Variants in COL26A1 observed in about 807,000 individuals in gnomAD.
COL26A1 encodes the protein collagen type XXVI alpha 1 chain.
In COL26A1, 41 loss-of-function variants were observed where a neutral mutation model predicts 59.3. That is an observed-to-expected ratio of 0.69 (90% CI 0.54 to 0.90). COL26A1 has a LOEUF of 0.90. Ranked by LOEUF, COL26A1 falls within the 40% of genes least tolerant of loss-of-function variation. The pLI, the probability that COL26A1 is intolerant of heterozygous loss-of-function variation, is 0.00. For synonymous variants in COL26A1, 266 were observed against 256.0 expected, an observed-to-expected ratio of 1.04 and a Z score of -0.37; for missense variants, 612 against 602.3, an observed-to-expected ratio of 1.02 and a Z score of -0.17.
chr7:101,440,086 C>T (rs985180450), intron 2 of COL26A1, among the ~76,000 whole-genome samples: 1 of 152,180 alleles, frequency 6.6e-6, no homozygotes, highest in Non-Finnish European at 1.5e-5. Flanking sequence ...TTTGCCTAGG[C>T]CAGGGGCAGT....
intron 3 of COL26A1, among the ~76,000 whole-genome samples, chr7:101,501,280 G>C (rs1794702384): frequency 6.6e-6 from 1 of 151,624 alleles, no homozygotes; most frequent in African/African-American, 2.4e-5. Flanking sequence ...TGGAATCAGG[G>C]AGTAAGTGGG....
intron 1 of COL26A1, among the ~76,000 whole-genome samples, chr7:101,364,572 C>CTTTT (rs10596691): frequency 6.8e-6 from 1 of 146,224 alleles, no homozygotes; most frequent in African/African-American, 2.5e-5. Context: ...TGCTTTCTTT[C>CTTTT]TTTTTTTTTT....
intron 3 of COL26A1, among the ~76,000 whole-genome samples, chr7:101,452,729 A>G (rs899415623): frequency 7.2e-5 from 11 of 152,136 alleles, no homozygotes; most frequent in Admixed American, 2.6e-4. Context: ...ATATCTACAC[A>G]TAGAAAAGGT....
intron 1 of COL26A1, among the ~76,000 whole-genome samples, chr7:101,405,339 A>AT (rs536145936): frequency 0.032 from 4,704 of 145,522 alleles, 213 homozygotes; most frequent in African/African-American, 0.11. Flanking sequence ...TGGTATCTAC[A>AT]TTTTTTTTTT....
chr7:101,399,846 T>C (rs192590187), intron 1 of COL26A1, among the ~76,000 whole-genome samples: 135 of 152,328 alleles, frequency 8.9e-4, no homozygotes, highest in African/African-American at 3.2e-3. Context: ...TAAAGTTGTT[T>C]CTTCCAATAC....
intron 3 of COL26A1, among the ~76,000 whole-genome samples, chr7:101,497,713 G>A (rs907839813): frequency 6.6e-6 from 1 of 152,080 alleles, no homozygotes; most frequent in African/African-American, 2.4e-5. Flanking sequence ...AGGCGCAGTG[G>A]CTCACATCTG....
chr7:101,471,351 T>A (rs1240118263), intron 3 of COL26A1, among the ~76,000 whole-genome samples: 1 of 152,100 alleles, frequency 6.6e-6, no homozygotes, highest in Admixed American at 6.6e-5. Flanking sequence ...GAAAGGAGTG[T>A]CATCTAGACT....
intron 5 of COL26A1, 89 bp from the exon 6 acceptor site, chr7:101,543,909 G>T (rs58676608): frequency 3.3e-6 from 3 of 903,850 alleles, no homozygotes; most frequent in African/African-American, 3.4e-5. Flanking sequence ...CTGGGGGAAC[G>T]TAGGCTGACA....
chr7:101,544,572 G>A (rs141420440), intron 6 of COL26A1, among the ~76,000 whole-genome samples: 6 of 131,672 alleles, frequency 4.6e-5, no homozygotes, highest in Admixed American at 2.6e-4. Flanking sequence ...GTGCTGTGTC[G>A]CCCAGACTGG....
chr7:101,414,432 T>TGTGTG (rs1792324399), intron 1 of COL26A1, among the ~76,000 whole-genome samples: 2 of 146,180 alleles, frequency 1.4e-5, no homozygotes, highest in African/African-American at 2.5e-5. Flanking sequence ...CACTCTGTGT[T>TGTGTG]TGTGTGTGTG....
chr7:101,518,487 G>A (rs760537700), intron 3 of COL26A1, among the ~76,000 whole-genome samples: 6 of 152,156 alleles, frequency 3.9e-5, no homozygotes, highest in Non-Finnish European at 7.3e-5. Flanking sequence ...CCAACTCCCC[G>A]TGTCCAAGTG....
intron 3 of COL26A1, among the ~76,000 whole-genome samples, chr7:101,456,556 CG>C (rs1478083679): frequency 7.9e-5 from 12 of 151,808 alleles, no homozygotes; most frequent in Non-Finnish European, 1.2e-4. Flanking sequence ...CCCAGCTACT[CG>C]GGAGGCTGAG....
At chr7:101,363,739 G>A (rs1790969784) in intron 1 of COL26A1, among the ~76,000 whole-genome samples, 2 of 152,086 alleles carry the variant, frequency 1.3e-5, no homozygotes, top group African/African-American at 4.8e-5. Flanking sequence ...CCTCGTTCCG[G>A]GCTCCGAGTA....
intron 3 of COL26A1, among the ~76,000 whole-genome samples, chr7:101,486,786 A>G (rs1200523445): frequency 1.3e-5 from 2 of 152,168 alleles, no homozygotes; most frequent in Non-Finnish European, 2.9e-5. Flanking sequence ...TTTGCTATGG[A>G]CCACGTTTCC....
intron 5 of COL26A1, among the ~76,000 whole-genome samples, chr7:101,543,602 C>T (rs1795663514): frequency 6.6e-6 from 1 of 152,076 alleles, no homozygotes; most frequent in Non-Finnish European, 1.5e-5. Flanking sequence ...CCTCGGAGGC[C>T]ACCTGTTGGG....
At chr7:101,454,579 G>A (rs530709282) in intron 3 of COL26A1, among the ~76,000 whole-genome samples, 1 of 152,040 alleles carries the variant, frequency 6.6e-6, no homozygotes, top group Admixed American at 6.6e-5. Context: ...TTCAAGGTCT[G>A]TTTAGTACCA....
intron 3 of COL26A1, among the ~76,000 whole-genome samples, chr7:101,451,001 TATA>T (rs1167355672): frequency 6.9e-6 from 1 of 145,158 alleles, no homozygotes; most frequent in Non-Finnish European, 1.5e-5. Flanking sequence ...TTGAATAATA[TATA>T]ATATTGAATA....
chr7:101,407,529 T>A (rs1257659081), intron 1 of COL26A1, among the ~76,000 whole-genome samples: 8 of 151,488 alleles, frequency 5.3e-5, no homozygotes, highest in Admixed American at 4.6e-4. Flanking sequence ...TGTAGGACAG[T>A]GGCCATAGAT....
chr7:101,458,292 C>A (rs977862067), intron 3 of COL26A1, among the ~76,000 whole-genome samples: 1 of 152,176 alleles, frequency 6.6e-6, no homozygotes, highest in Non-Finnish European at 1.5e-5. Flanking sequence ...TAGTGGACTT[C>A]ATCACCTTTA....
Sources: allele counts gnomAD v4.1 joint callset (sites outside exome capture counted in the v4.1 genomes callset), GRCh38; gene constraint gnomAD v4.1.1; transcripts MANE v1.5; gene names NCBI Gene and HGNC (gene_info 2026-07-23, HGNC 2026-07-21).